Variants in PYROXD1 observed in about 807,000 individuals in gnomAD.
PYROXD1 encodes pyridine nucleotide-disulphide oxidoreductase domain 1, also known as tRNA ligase complex-associated NAD(P)H dehydrogenase PYROXD1.
PYROXD1 carries 42 observed loss-of-function variants against 62.0 expected under a neutral mutation model. The ratio of observed to expected loss-of-function variants is 0.68; its 90% CI spans 0.53 to 0.88. The LOEUF is 0.88. PYROXD1 is among the 40% of genes least tolerant of loss of function. The pLI, the probability that PYROXD1 is intolerant of heterozygous loss-of-function variation, is 0.00. For missense variants in PYROXD1, 493 were observed against 604.8 expected (o/e 0.82, Z 1.94); for synonymous variants, 170 against 206.4 (o/e 0.82, Z 1.51).
intron 4 of PYROXD1, among the ~76,000 whole-genome samples, chr12:21,451,350 C>T (rs1327258057): frequency 6.6e-6 from 1 of 151,782 alleles, no homozygotes; most frequent in African/African-American, 2.4e-5. Context: ...CTTTAACTGT[C>T]ATTTACATTT....
chr12:21,453,505 T>C (rs529598184), intron 5 of PYROXD1, among the ~76,000 whole-genome samples: 3 of 128,742 alleles, frequency 2.3e-5, no homozygotes, highest in Non-Finnish European at 5.3e-5. Context: ...TTATCTGTTT[T>C]CTCCTTTCTA....
intron 4 of PYROXD1, among the ~76,000 whole-genome samples, chr12:21,450,014 C>T (rs969781429): frequency 8.6e-5 from 10 of 115,804 alleles, no homozygotes; most frequent in African/African-American, 3.3e-4. Context: ...CCTGCCACCA[C>T]GCCTGGCTGA....
rs536043830 is a variant in PYROXD1, at chr12:21,459,942, C to G, written c.751-1083C>G. On this transcript the variant is annotated intron_variant, in intron 7 of 11. Coordinates refer to ENST00000240651, the MANE Select transcript of PYROXD1 (RefSeq NM_024854.5). ...ACTTCAGATGCATGCAGTAAACTTA[C>G]AAAAGTTATTAGATGGATTGGAAAT... Among the ~76,000 whole-genome samples, 107 of 152,250 alleles carry G rather than the reference C, an allele frequency of 7.0e-4. 1 individual carries two copies. Among genetic ancestry groups the G allele is most frequent in the Non-Finnish European group, 1.3e-3 (90 of 68,026 alleles).
chr12:21,456,052 G>A lies in PYROXD1; in HGVS notation c.707G>A (p.Gly236Glu), dbSNP rs773383794. 4.3e-6 allele frequency: 7 copies of A among 1,611,640 alleles called. No individual in the cohort carries two copies. The South Asian group carries it at 7.7e-5, about 18-fold the overall frequency. The change falls in exon 7 of 12, where the codon GGA becomes GAA. Residue 236 changes from glycine (G) to glutamate (E), a missense_variant. Gly to Glu is a moderately conservative substitution (Grantham distance 98). Transcript: ENST00000240651. ...GCAGATAATGTAGGAAGTGCATTGGGACCAGATTGGCATGAAGGCTTGAAT... is the reference window on the plus strand; with the variant it reads ...GCAGATAATGTAGGAAGTGCATTGGAACCAGATTGGCATGAAGGCTTGAAT... ...SKADNVGSAL[G>E]PDWHEGLNLK...
In PYROXD1 at chr12:21,461,989, T is replaced by C; in HGVS notation, c.881-19T>C. 6.6e-7 allele frequency: 1 copy of C among 1,511,422 alleles called. No individual in the cohort carries two copies. The highest frequency in any genetic ancestry group is 9.2e-7 in the Non-Finnish European group (1 of 1,091,178). The allele number at this position is 1,511,422 out of a possible 1,614,324, so 93.6% of individuals were successfully genotyped here. A position where few individuals can be genotyped will look rare whatever the true frequency, so the allele number is the denominator to read the frequency against. ...CATTTACAAATAAAGTCTGTTTTTTTGGTTTTTTTTTCTTAAAGAGATGTG... is the reference window on the plus strand; with the variant it reads ...CATTTACAAATAAAGTCTGTTTTTTCGGTTTTTTTTTCTTAAAGAGATGTG... On this transcript the variant is annotated intron_variant, in intron 8 of 11. Coordinates refer to ENST00000240651, the MANE Select transcript of PYROXD1 (RefSeq NM_024854.5).
At chr12:21,448,623 G>C (rs1565546471) in intron 3 of PYROXD1, among the ~76,000 whole-genome samples, 1 of 152,176 alleles carries the variant, frequency 6.6e-6, no homozygotes. Context: ...ATTAATTTGA[G>C]TTATAAATGT....
intron 7 of PYROXD1, chr12:21,456,925 C>T: frequency 2.2e-6 from 1 of 449,920 alleles, no homozygotes; most frequent in South Asian, 1.6e-5. Context: ...GTTCTTTGCT[C>T]ATCCATGAGA....
Position 21,449,676 on chromosome 12 carries a change from T to C in PYROXD1, c.399T>C (p.Asp133=), listed in dbSNP as rs1178565447. ...EGNPYVLGIR[D]TDSAQEFQKQ... is the part of the protein sequence containing the mutation. ...ATCCTTATGTATTAGGAATCCGTGA[T>C]ACAGACAGTGCTCAGGTAACATTTT... The change falls in exon 4 of 12, where the codon GAT becomes GAC. Residue 133 remains aspartate, a synonymous_variant. Coordinates refer to ENST00000240651, the MANE Select transcript of PYROXD1 (RefSeq NM_024854.5). 6.2e-7 allele frequency: 1 copy of C among 1,612,156 alleles called. No individual in the cohort carries two copies. Among genetic ancestry groups the C allele is most frequent in the South Asian group, 1.1e-5 (1 of 90,612 alleles).
Position 21,449,655 on chromosome 12 carries a change from T to A in PYROXD1, c.378T>A (p.Pro126=), listed in dbSNP as rs751608268. The A allele has an allele frequency of 6.2e-7, 1 of 1,613,338 alleles. No individual in the cohort carries two copies. The highest frequency in any genetic ancestry group is 1.7e-5 in the Admixed American group (1 of 59,990). ...AKPKLICEGN[P]YVLGIRDTDS... ...CAAAGTTGATATGTGAAGGAAATCC[T>A]TATGTATTAGGAATCCGTGATACAG... The change falls in exon 4 of 12, where the codon CCT becomes CCA. Residue 126 remains proline (P), a synonymous_variant. Transcript: ENST00000240651.
chr12:21,443,008 G>C (rs1350209218), intron 2 of PYROXD1, among the ~76,000 whole-genome samples: 1 of 151,906 alleles, frequency 6.6e-6, no homozygotes. Context: ...GTGAAGATTT[G>C]TCTATATTTG....
intron 9 of PYROXD1, among the ~76,000 whole-genome samples, 181 bp downstream of exon 9, chr12:21,462,301 A>G (rs1466854609): frequency 1.3e-5 from 2 of 152,202 alleles, no homozygotes; most frequent in Non-Finnish European, 2.9e-5. Flanking sequence ...AAATCCTTAC[A>G]TAGTTATATC....
At chr12:21,439,611 A>AT (rs1591933446) in intron 1 of PYROXD1, among the ~76,000 whole-genome samples, 2 of 152,134 alleles carry the variant, frequency 1.3e-5, no homozygotes, top group East Asian at 3.9e-4. Flanking sequence ...CCATTAAAAA[A>AT]AAAATAAATA....
At chr12:21,448,894 G>T (rs1407683063) in intron 3 of PYROXD1, among the ~76,000 whole-genome samples, 1 of 152,066 alleles carries the variant, frequency 6.6e-6, no homozygotes, top group African/African-American at 2.4e-5. Context: ...GCCAATACAT[G>T]CTAGGATTAA....
At chr12:21,456,121 A>G (rs1411281018) in intron 7 of PYROXD1, 26 bp downstream of exon 7, 9 of 1,315,240 alleles carry the variant, frequency 6.8e-6, no homozygotes, top group South Asian at 2.5e-5. Flanking sequence ...CTAATTGGTC[A>G]TGTCTAAATG....
chr12:21,438,885 TA>T (rs1942244298), intron 1 of PYROXD1, among the ~76,000 whole-genome samples: 1 of 147,692 alleles, frequency 6.8e-6, no homozygotes, highest in South Asian at 2.2e-4. Flanking sequence ...GCATGGTATA[TA>T]CCATGCTGGG....
intron 2 of PYROXD1, among the ~76,000 whole-genome samples, chr12:21,442,664 A>G (rs1942317768): frequency 6.6e-6 from 1 of 152,230 alleles, no homozygotes; most frequent in Non-Finnish European, 1.5e-5. Context: ...TTGCCAAAGC[A>G]TCTTGACATT....
intron 3 of PYROXD1, among the ~76,000 whole-genome samples, chr12:21,445,863 G>T (rs1243863564): frequency 6.6e-6 from 1 of 152,104 alleles, no homozygotes; most frequent in Non-Finnish European, 1.5e-5. Context: ...TACTATCAAA[G>T]CTCTGATATC....
chr12:21,462,913 A>G, intron 10 of PYROXD1, 51 bp downstream of exon 10: 10 of 1,560,660 alleles, frequency 6.4e-6, no homozygotes, highest in Non-Finnish European at 8.7e-6. Flanking sequence ...CTGTCTGAAA[A>G]TAAAGCGGTT....
At chr12:21,468,017 G>A (rs1214463519) in intron 11 of PYROXD1, among the ~76,000 whole-genome samples, 1 of 145,160 alleles carries the variant, frequency 6.9e-6, no homozygotes, top group Non-Finnish European at 1.5e-5. Context: ...GTTGTTTTGG[G>A]TTTTTTTTTT....
Sources: allele counts gnomAD v4.1 joint callset (sites outside exome capture counted in the v4.1 genomes callset), GRCh38; gene constraint gnomAD v4.1.1; transcripts MANE v1.5; gene names NCBI Gene and HGNC (gene_info 2026-07-23, HGNC 2026-07-21).